JPH2: variants seen among roughly 807,000 people sequenced by gnomAD.
JPH2 encodes junctophilin 2.
A neutral mutation model predicts 55.9 loss-of-function variants in JPH2; 38 were observed. The ratio of observed to expected loss-of-function variants is 0.68; its 90% CI spans 0.52 to 0.89. The LOEUF is 0.89. Ranked by LOEUF, JPH2 falls within the 40% of genes least tolerant of loss-of-function variation. The pLI, the probability that JPH2 is intolerant of heterozygous loss-of-function variation, is 0.00. For synonymous variants in JPH2, 480 were observed against 472.4 expected (o/e 1.02, Z -0.21); for missense variants, 964 against 1,037.6 (o/e 0.93, Z 0.97).
At chr20:44,185,886 A>C (rs140284893) in intron 1 of JPH2, among the ~76,000 whole-genome samples, 2,436 of 151,714 alleles carry the variant, frequency 0.016, 26 homozygotes, top group African/African-American at 0.025. Flanking sequence ...TGATGAGTGG[A>C]TAGTTGGATG....
At chr20:44,149,090 T>C (rs1488160095) in intron 2 of JPH2, among the ~76,000 whole-genome samples, 10 of 140,704 alleles carry the variant, frequency 7.1e-5, no homozygotes, top group African/African-American at 5.4e-5. Flanking sequence ...TTCTCCCTCC[T>C]CCAATTAAAA....
chr20:44,133,886 T>A (rs1429224051), intron 2 of JPH2, among the ~76,000 whole-genome samples: 1 of 71,120 alleles, frequency 1.4e-5, no homozygotes, highest in South Asian at 3.8e-4. Flanking sequence ...AATATATATT[T>A]ATTATAAATA....
chr20:44,120,379 T>C (rs1008529305), intron 2 of JPH2, among the ~76,000 whole-genome samples: 31 of 152,174 alleles, frequency 2.0e-4, no homozygotes, highest in African/African-American at 7.5e-4. Flanking sequence ...GTTTCAGCTG[T>C]CAGCTTAGCT....
intron 1 of JPH2, among the ~76,000 whole-genome samples, chr20:44,162,779 TATATATATACAC>T (rs1304993618): frequency 0.041 from 3,195 of 78,728 alleles, 27 homozygotes; most frequent in Non-Finnish European, 0.059. Flanking sequence ...TATATATATA[TATATATATACAC>T]ACACACACAC....
At position 44,111,085 on chromosome 20, in the gene JPH2, C is replaced by T. The variant is rs1302959341; in HGVS notation, c.*2433G>A. 1.3e-5 allele frequency among the ~76,000 whole-genome samples: 2 copies of T among 152,216 alleles called. No individual in the cohort carries two copies. Among genetic ancestry groups the T allele is most frequent in the African/African-American group, 2.4e-5 (1 of 41,448 alleles). On this transcript the variant is annotated 3_prime_UTR_variant, in exon 6 of 6. Coordinates refer to ENST00000372980, the MANE Select transcript of JPH2 (RefSeq NM_020433.5). ...GCCACCAACTTGCTGTGTGCGTGAC[C>T]TTGGGCAAGTCCCTCTGCTCTAAGC...
At chr20:44,122,404 CA>C (rs1434687735) in intron 2 of JPH2, among the ~76,000 whole-genome samples, 2 of 152,062 alleles carry the variant, frequency 1.3e-5, no homozygotes, top group Non-Finnish European at 1.5e-5. Flanking sequence ...ATGGGGTTGC[CA>C]AAAAACTCAG....
At chr20:44,136,990 A>G (rs182607140) in intron 2 of JPH2, among the ~76,000 whole-genome samples, 2 of 152,326 alleles carry the variant, frequency 1.3e-5, no homozygotes, top group Admixed American at 1.3e-4. Flanking sequence ...AGTATATAGT[A>G]TATGTGTACA....
At chr20:44,145,658 C>A (rs1258866925) in intron 2 of JPH2, among the ~76,000 whole-genome samples, 1 of 151,588 alleles carries the variant, frequency 6.6e-6, no homozygotes, top group African/African-American at 2.4e-5. Flanking sequence ...CCCTAAGCAC[C>A]GTTTATAGAG....
rs1320418663 is a variant in JPH2, at chr20:44,134,442, T to TAG, written c.1170-15820_1170-15819insCT. On this transcript the variant is annotated intron_variant, in intron 2 of 5. Coordinates refer to ENST00000372980, the MANE Select transcript of JPH2 (RefSeq NM_020433.5). ...AATATATATTTATTATAAATATATATAAATATATATTTATTATAAATATAT... is the reference window on the plus strand; with the variant it reads ...AATATATATTTATTATAAATATATATAGAAATATATATTTATTATAAATATAT... Among the ~76,000 whole-genome samples the TAG allele has an allele frequency of 9.4e-3, 186 of 19,788 alleles. 41 individuals are homozygous for TAG. Among genetic ancestry groups the TAG allele is most frequent in the Non-Finnish European group, 0.014 (161 of 11,904 alleles). The allele number at this position is 19,788 out of a possible 152,430, so 13.0% of individuals were successfully genotyped here.
chr20:44,165,124 A>C (rs1406241656), intron 1 of JPH2, among the ~76,000 whole-genome samples: 1 of 152,162 alleles, frequency 6.6e-6, no homozygotes, highest in African/African-American at 2.4e-5. Context: ...GGTGTGAGCT[A>C]CTGCGCCCAG....
intron 1 of JPH2, among the ~76,000 whole-genome samples, chr20:44,180,162 G>A (rs1300575200): frequency 6.6e-6 from 1 of 152,226 alleles, no homozygotes; most frequent in Non-Finnish European, 1.5e-5. Flanking sequence ...AGGTTACAGT[G>A]AGCCAAGATT....
At position 44,165,032 on chromosome 20, in the gene JPH2, T is replaced by C. The variant is rs564929216; in HGVS notation, c.380-4625A>G. Among the ~76,000 whole-genome samples, 10 of 152,132 alleles carry C rather than the reference T, an allele frequency of 6.6e-5. No individual in the cohort carries two copies. In the South Asian group the frequency reaches 2.1e-3, roughly 32 times the overall value. The stretch of plus-strand genomic sequence containing the variant: ...TTTGCATTTTTAGTAGAGATGGGGT[T>C]TCATCATGTTGGCCAGGCTGGTCTC... On this transcript the variant is annotated intron_variant, in intron 1 of 5. Transcript: ENST00000372980.
chr20:44,165,036 T>C (rs2072646264), intron 1 of JPH2, among the ~76,000 whole-genome samples: 1 of 151,926 alleles, frequency 6.6e-6, no homozygotes, highest in African/African-American at 2.4e-5. Flanking sequence ...TGGGGTTTCA[T>C]CATGTTGGCC....
rs2072118188 is a variant in JPH2, at chr20:44,108,005, A to G, written c.*5513T>C. ...GCCAGAAAAATCAACCACAGGGTTAAAAGATTGGGGCTTTGGGCTATGTGA... is the reference window on the plus strand; with the variant it reads ...GCCAGAAAAATCAACCACAGGGTTAGAAGATTGGGGCTTTGGGCTATGTGA... On this transcript the variant is annotated 3_prime_UTR_variant, in exon 6 of 6. Transcript: ENST00000372980. Among the ~76,000 whole-genome samples the G allele has an allele frequency of 6.6e-6, 1 of 152,220 alleles. No homozygotes were observed. Among genetic ancestry groups the G allele is most frequent in the Non-Finnish European group, 1.5e-5 (1 of 68,042 alleles).
rs759277290 is a variant in JPH2, at chr20:44,186,756, G to T, written c.-51C>A. 9.0e-5 allele frequency: 141 copies of T among 1,572,954 alleles called. No homozygotes were observed. The highest frequency in any genetic ancestry group is 1.2e-4 in the Non-Finnish European group (136 of 1,157,658). ...CCGTCCTCCAGCGTGGGTGCAGAGG[G>T]CGTGGGTGATGCCTGCAACACTCCT... On this transcript the variant is annotated 5_prime_UTR_variant, in exon 1 of 6. Transcript: ENST00000372980.
rs1426750299 is a variant in JPH2 at position 44,107,688 on chromosome 20, A to G, written c.*5830T>C. On this transcript the variant is annotated 3_prime_UTR_variant, in exon 6 of 6. Transcript: ENST00000372980. ...TATAAACTGTGGAGTCAATTACCTC[A>G]GCCAAGCTTACACTAACTAATGCAT... Among the ~76,000 whole-genome samples, 1 of 152,244 alleles carries G rather than the reference A, an allele frequency of 6.6e-6. No homozygotes were observed. The highest frequency in any genetic ancestry group is 1.5e-5 in the Non-Finnish European group (1 of 68,038).
Position 44,108,751 on chromosome 20 carries a change from G to A in JPH2, c.*4767C>T, listed in dbSNP as rs6031388. ...ATGAGGTGCCCTGGCATCTGTTGCC[G>A]TACATGAGGGTCTCACCTGCAGTTG... On this transcript the variant is annotated 3_prime_UTR_variant, in exon 6 of 6. Transcript: ENST00000372980. Among the ~76,000 whole-genome samples, 17 of 151,916 alleles carry A rather than the reference G, an allele frequency of 1.1e-4. No individual in the cohort carries two copies. Among genetic ancestry groups the A allele is most frequent in the South Asian group, 4.1e-4 (2 of 4,824 alleles).
rs751914931 is a variant in JPH2 at position 44,115,904 on chromosome 20, C to T, written c.1771G>A (p.Gly591Arg). ...GGGGACGAGGGCGCGGACTCGGACCCGGAGACCTCGGGCTCGGGCTGGTCC... is the reference window on the plus strand; with the variant it reads ...GGGGACGAGGGCGCGGACTCGGACCTGGAGACCTCGGGCTCGGGCTGGTCC... ...FEDQPEPEVS[G>R]SESAPSSPAT... The change falls in exon 4 of 6, where the codon GGG becomes AGG. Residue 591 changes from glycine (G) to arginine (R), a missense_variant. By Grantham distance (125) the Gly-to-Arg change is moderately radical. Coordinates refer to ENST00000372980, the MANE Select transcript of JPH2 (RefSeq NM_020433.5). 4.3e-5 allele frequency: 68 copies of T among 1,573,662 alleles called. No individual in the cohort carries two copies. Among genetic ancestry groups the T allele is most frequent in the Admixed American group, 2.5e-4 (14 of 56,160 alleles).
At chr20:44,148,815 G>A (rs1421231732) in intron 2 of JPH2, among the ~76,000 whole-genome samples, 1 of 152,122 alleles carries the variant, frequency 6.6e-6, no homozygotes, top group African/African-American at 2.4e-5. Context: ...TGTAATCCCA[G>A]CACTTTGGGA....
Sources: allele counts gnomAD v4.1 joint callset (sites outside exome capture counted in the v4.1 genomes callset), GRCh38; gene constraint gnomAD v4.1.1; transcripts MANE v1.5; gene names NCBI Gene and HGNC (gene_info 2026-07-23, HGNC 2026-07-21).